WLS: variants seen among roughly 807,000 people sequenced by gnomAD.
WLS encodes Wnt ligand secretion mediator, also known as protein wntless homolog.
Under a neutral mutation model 62.8 loss-of-function variants are expected in WLS, and 23 were observed. That is an observed-to-expected ratio of 0.37 (90% CI 0.26 to 0.52). The LOEUF is 0.52. Among genes scored for constraint, WLS ranks in the 20% least tolerant of loss-of-function variants. WLS has a pLI of 0.92. For synonymous variants in WLS, 246 were observed against 244.1 expected, an observed-to-expected ratio of 1.01 and a Z score of -0.07; for missense variants, 615 against 697.3, an observed-to-expected ratio of 0.88 and a Z score of 1.33.
At chr1:68,108,630 T>G (rs1646179082) in intron 11 of WLS, among the ~76,000 whole-genome samples, 1 of 152,210 alleles carries the variant, frequency 6.6e-6, no homozygotes, top group African/African-American at 2.4e-5. Context: ...TGAATCACCT[T>G]GATTCTTTTG....
intron 2 of WLS, among the ~76,000 whole-genome samples, chr1:68,193,431 A>C (rs1648467967): frequency 5.7e-5 from 8 of 140,886 alleles, no homozygotes; most frequent in Admixed American, 2.1e-4. Flanking sequence ...AAAAAAAAAA[A>C]AAAAAAAAAA....
intron 11 of WLS, among the ~76,000 whole-genome samples, chr1:68,132,613 G>T (rs947566497): frequency 6.6e-6 from 1 of 152,148 alleles, no homozygotes; most frequent in Non-Finnish European, 1.5e-5. Context: ...TTTGCTCCCC[G>T]CAGAGTGGGT....
intron 2 of WLS, among the ~76,000 whole-genome samples, chr1:68,161,150 G>A (rs1235447328): frequency 6.6e-6 from 1 of 152,084 alleles, no homozygotes; most frequent in East Asian, 1.9e-4. Context: ...GCATCAGAGG[G>A]TTTTTACTGA....
At chr1:68,195,189 T>C (rs1648592915) in intron 1 of WLS, among the ~76,000 whole-genome samples, 1 of 152,254 alleles carries the variant, frequency 6.6e-6, no homozygotes, top group South Asian at 2.1e-4. Flanking sequence ...TCTTTTCTTT[T>C]TATTCACTTA....
At chr1:68,148,111 C>T in intron 8 of WLS, 25 bp downstream of exon 8, 1 of 1,613,790 alleles carries the variant, frequency 6.2e-7, no homozygotes, top group East Asian at 2.2e-5. Context: ...AGAAATAAAA[C>T]CCTGAGCCCA....
chr1:68,154,465 C>T lies in WLS; in HGVS notation c.666+634G>A, dbSNP rs376486744. Among the ~76,000 whole-genome samples, 70 of 152,132 alleles carry T rather than the reference C, an allele frequency of 4.6e-4. 2 individuals are homozygous for T. In the South Asian group the frequency reaches 0.014, roughly 30 times the overall value. ...ATATTACATTCACCAATTTATATTA[C>T]ATATACCATTAAATAAAGAAAGCAA... On this transcript the variant is annotated intron_variant, in intron 4 of 11. Transcript: ENST00000262348.
intron 11 of WLS, among the ~76,000 whole-genome samples, chr1:68,110,007 T>TAAAAAAAAAAAAAAAA (rs11290966): frequency 3.5e-4 from 10 of 28,432 alleles, no homozygotes; most frequent in African/African-American, 1.3e-3. Flanking sequence ...ACACAAAAAG[T>TAAAAAAAAAAAAAAAA]AAAAAAAAAA....
At chr1:68,198,490 C>T (rs1040000716) in intron 1 of WLS, among the ~76,000 whole-genome samples, 5 of 152,132 alleles carry the variant, frequency 3.3e-5, no homozygotes, top group African/African-American at 7.2e-5. Flanking sequence ...AGACTTCTAA[C>T]AAATTCAAGG....
At chr1:68,118,584 C>T (rs1262507590) in intron 11 of WLS, among the ~76,000 whole-genome samples, 1 of 152,236 alleles carries the variant, frequency 6.6e-6, no homozygotes. Context: ...CTTACAATAG[C>T]ACCTGGCCCG....
chr1:68,218,327 A>T (rs144140846), intron 1 of WLS, among the ~76,000 whole-genome samples: 1 of 152,152 alleles, frequency 6.6e-6, no homozygotes, highest in Non-Finnish European at 1.5e-5. Flanking sequence ...GGGGACAAAA[A>T]TACCTACTTC....
At chr1:68,200,519 A>C (rs988704008) in intron 1 of WLS, among the ~76,000 whole-genome samples, 2 of 149,572 alleles carry the variant, frequency 1.3e-5, no homozygotes, top group African/African-American at 4.9e-5. Context: ...TACTTGGTCT[A>C]TGTCTATATC....
chr1:68,212,461 T>A (rs1243474668), intron 1 of WLS, among the ~76,000 whole-genome samples: 1 of 152,188 alleles, frequency 6.6e-6, no homozygotes, highest in African/African-American at 2.4e-5. Flanking sequence ...TCCAAATCAG[T>A]GCTTTAAGGA....
intron 1 of WLS, among the ~76,000 whole-genome samples, chr1:68,212,193 G>T (rs1336657587): frequency 6.6e-6 from 1 of 152,228 alleles, no homozygotes; most frequent in Non-Finnish European, 1.5e-5. Context: ...TTTATGTTGT[G>T]AAAGCAGACA....
intron 1 of WLS, among the ~76,000 whole-genome samples, chr1:68,215,468 C>G (rs1269944371): frequency 6.6e-6 from 1 of 152,086 alleles, no homozygotes; most frequent in Admixed American, 6.6e-5. Context: ...GGCTAACATG[C>G]AAAGAGATAG....
chr1:68,232,302 T>C lies in WLS; in HGVS notation c.-3A>G, dbSNP rs1036028851. 2 of 1,613,524 alleles carry C rather than the reference T, an allele frequency of 1.2e-6. No individual in the cohort carries two copies. Among genetic ancestry groups the C allele is most frequent in the East Asian group, 4.5e-5 (2 of 44,818 alleles). ...TTTTCTATAATTGCCCCAGCCATTT[T>C]TGCGCCCCCCCTTTTTCTTTTCTCC... On this transcript the variant is annotated 5_prime_UTR_variant, in exon 1 of 12. Coordinates refer to ENST00000262348, the MANE Select transcript of WLS (RefSeq NM_024911.7).
intron 6 of WLS, among the ~76,000 whole-genome samples, chr1:68,149,507 A>G (rs1272253511): frequency 6.6e-6 from 1 of 152,170 alleles, no homozygotes; most frequent in African/African-American, 2.4e-5. Flanking sequence ...GCCATAATGG[A>G]ATTTAAAAAC....
chr1:68,101,082 A>G (rs1646071400), intron 11 of WLS, among the ~76,000 whole-genome samples: 1 of 152,156 alleles, frequency 6.6e-6, no homozygotes, highest in Non-Finnish European at 1.5e-5. Context: ...GCTGGAGGCT[A>G]TGCTTCCCAG....
intron 2 of WLS, among the ~76,000 whole-genome samples, chr1:68,185,392 G>A (rs1307244456): frequency 2.0e-5 from 3 of 152,194 alleles, no homozygotes; most frequent in South Asian, 2.1e-4. Context: ...GGTAAGGCAT[G>A]TGGTATGGCA....
At chr1:68,109,025 T>C (rs992092794) in intron 11 of WLS, among the ~76,000 whole-genome samples, 2 of 152,238 alleles carry the variant, frequency 1.3e-5, no homozygotes, top group African/African-American at 2.4e-5. Flanking sequence ...AAAGTATACT[T>C]TTAATTTTAT....
Sources: allele counts gnomAD v4.1 joint callset (sites outside exome capture counted in the v4.1 genomes callset), GRCh38; gene constraint gnomAD v4.1.1; transcripts MANE v1.5; gene names NCBI Gene and HGNC (gene_info 2026-07-23, HGNC 2026-07-21).